The following SGMS2 variants were observed in gnomAD, a reference collection of about 807,000 sequenced individuals.
SGMS2 encodes phosphatidylcholine:ceramide cholinephosphotransferase 2.
A neutral mutation model predicts 43.8 loss-of-function variants in SGMS2; 21 were observed. The ratio of observed to expected loss-of-function variants is 0.48; its 90% CI spans 0.34 to 0.69. The LOEUF (loss-of-function observed/expected upper bound fraction) is 0.69. Ranked by LOEUF, SGMS2 falls within the 30% of genes least tolerant of loss-of-function variation. SGMS2 has a pLI of 0.01. For missense variants in SGMS2, 384 were observed against 443.2 expected (o/e 0.87, Z 1.20); for synonymous variants, 167 against 160.6 (o/e 1.04, Z -0.30).
intron 1 of SGMS2, among the ~76,000 whole-genome samples, chr4:107,836,279 C>A (rs193035597): frequency 8.6e-4 from 131 of 152,316 alleles, no homozygotes; most frequent in Non-Finnish European, 1.6e-3. Context: ...CCACATAAAT[C>A]TGAAGACAAT....
rs1732050225 is a variant in SGMS2, at chr4:107,910,647, TAAATGAAG to T, written c.*100_*107del. On this transcript the variant is annotated 3_prime_UTR_variant, in exon 7 of 7. Transcript: ENST00000690982. ...TTTTTATTTTAGGAGAACTGACTGG[TAAATGAAG>T]AAATGGACCAAATTTTGTGTAAACG... is the stretch of plus-strand genomic sequence containing the variant. 1 of 1,255,544 alleles carries T rather than the reference TAAATGAAG, an allele frequency of 8.0e-7. No homozygotes were observed. Among genetic ancestry groups the T allele is most frequent in the Non-Finnish European group, 1.1e-6 (1 of 913,198 alleles). 77.8% of individuals were successfully genotyped at this position (1,255,544 alleles called of 1,614,324 possible).
chr4:107,846,798 T>C (rs1235873270), intron 1 of SGMS2, among the ~76,000 whole-genome samples: 1,872 of 106,228 alleles, frequency 0.018, 7 homozygotes, highest in African/African-American at 0.037. Flanking sequence ...TTTTAATGAT[T>C]GCCATTCTAA....
At chr4:107,846,447 A>C (rs1273529400) in intron 1 of SGMS2, among the ~76,000 whole-genome samples, 2 of 150,524 alleles carry the variant, frequency 1.3e-5, no homozygotes, top group Non-Finnish European at 3.0e-5. Context: ...TGAACTCATC[A>C]TTTTTTATGG....
At position 107,896,008 on chromosome 4, in the gene SGMS2, A is replaced by G. The variant is rs1730635795; in HGVS notation, c.455A>G (p.Lys152Arg). The G allele has an allele frequency of 6.2e-7, 1 of 1,605,882 alleles. No homozygotes were observed. Among genetic ancestry groups the G allele is most frequent in the Non-Finnish European group, 8.5e-7 (1 of 1,174,276 alleles). ...WITQWLFLRY[K>R]SIVGRRFCFI... ...ACCCAGTGGCTGTTTCTGAGATACA[A>G]GTAAGTAAATCTAATGTTTTGAGGA... The change falls in exon 3 of 7, where the codon AAG (lysine) becomes AGG (arginine). Residue 152 changes from lysine to arginine, a missense_variant and splice_region_variant. Lys to Arg is a conservative substitution (Grantham distance 26, BLOSUM62 2). Coordinates refer to ENST00000690982, the MANE Select transcript of SGMS2 (RefSeq NM_001375905.1).
chr4:107,867,997 T>C (rs938608342), intron 2 of SGMS2: 1 of 152,172 alleles, frequency 6.6e-6, no homozygotes, highest in Admixed American at 6.5e-5. Flanking sequence ...GTTGTTAAAC[T>C]GAAATAAAAA....
intron 3 of SGMS2, among the ~76,000 whole-genome samples, chr4:107,899,304 CCA>C (rs962402172): frequency 1.3e-5 from 2 of 151,994 alleles, no homozygotes; most frequent in African/African-American, 2.4e-5. Flanking sequence ...TTCCCCCACC[CCA>C]CACACACACA....
chr4:107,881,512 C>T (rs556169860), intron 2 of SGMS2, among the ~76,000 whole-genome samples: 13 of 151,640 alleles, frequency 8.6e-5, no homozygotes, highest in Admixed American at 3.9e-4. Context: ...TTATGGGGTA[C>T]GTGAGATATT....
intron 2 of SGMS2, among the ~76,000 whole-genome samples, chr4:107,892,836 C>G (rs1273224104): frequency 6.6e-6 from 1 of 152,076 alleles, no homozygotes; most frequent in Non-Finnish European, 1.5e-5. Flanking sequence ...CAGGTTTGCC[C>G]TAAGCAGTTC....
intron 2 of SGMS2, among the ~76,000 whole-genome samples, chr4:107,894,879 A>T (rs528210813): frequency 6.6e-6 from 1 of 152,360 alleles, no homozygotes; most frequent in East Asian, 1.9e-4. Flanking sequence ...TTCAATGCAT[A>T]TAAGCCTCTT....
chr4:107,908,807 G>A, intron 6 of SGMS2, 76 bp downstream of exon 6: 1 of 1,365,822 alleles, frequency 7.3e-7, no homozygotes, highest in Non-Finnish European at 1.0e-6. Flanking sequence ...TGGGGTTTTA[G>A]ATAGCCTAAT....
intron 1 of SGMS2, among the ~76,000 whole-genome samples, chr4:107,845,867 T>G (rs555189121): frequency 2.0e-5 from 3 of 152,286 alleles, no homozygotes; most frequent in Middle Eastern, 6.8e-3. Flanking sequence ...TGAATATGTA[T>G]GTTGAATAGG....
At chr4:107,855,578 T>C (rs1335950706) in intron 1 of SGMS2, among the ~76,000 whole-genome samples, 3 of 152,194 alleles carry the variant, frequency 2.0e-5, no homozygotes, top group Non-Finnish European at 4.4e-5. Context: ...TTTTTGAATT[T>C]GTGGAGACTT....
chr4:107,891,015 T>G (rs1730162612), intron 2 of SGMS2, among the ~76,000 whole-genome samples: 1 of 152,128 alleles, frequency 6.6e-6, no homozygotes, highest in African/African-American at 2.4e-5. Flanking sequence ...TTGCTTTCAG[T>G]TTGACCTGGC....
At chr4:107,890,009 T>C (rs1730071719) in intron 2 of SGMS2, among the ~76,000 whole-genome samples, 1 of 152,218 alleles carries the variant, frequency 6.6e-6, no homozygotes, top group Admixed American at 6.5e-5. Context: ...GACCATGTGA[T>C]GTTTTTATGG....
At chr4:107,872,924 CTT>C (rs1196591791) in intron 2 of SGMS2, among the ~76,000 whole-genome samples, 2 of 152,040 alleles carry the variant, frequency 1.3e-5, no homozygotes, top group Non-Finnish European at 2.9e-5. Context: ...TCCAGAATCA[CTT>C]ATCCACAATT....
chr4:107,841,483 G>T (rs1003373452), intron 1 of SGMS2, among the ~76,000 whole-genome samples: 2 of 151,830 alleles, frequency 1.3e-5, no homozygotes, highest in African/African-American at 4.8e-5. Context: ...AGAATGCATG[G>T]TCTAGCAGTA....
chr4:107,908,169 C>A (rs115677775), intron 5 of SGMS2: 1,649 of 160,948 alleles, frequency 0.01, 26 homozygotes, highest in African/African-American at 0.038. Flanking sequence ...TTTCATAGAC[C>A]ACCACCTTTT....
At chr4:107,883,448 G>A (rs1160021538) in intron 2 of SGMS2, among the ~76,000 whole-genome samples, 2 of 152,302 alleles carry the variant, frequency 1.3e-5, no homozygotes, top group South Asian at 2.1e-4. Context: ...CCAAGTAGCT[G>A]GGACTACAGG....
intron 1 of SGMS2, among the ~76,000 whole-genome samples, chr4:107,825,860 T>C (rs1056691188): frequency 1.3e-5 from 2 of 152,202 alleles, no homozygotes; most frequent in African/African-American, 4.8e-5. Context: ...CAAAATGTTA[T>C]GTCCTGTAGT....
Sources: allele counts gnomAD v4.1 joint callset (sites outside exome capture counted in the v4.1 genomes callset), GRCh38; gene constraint gnomAD v4.1.1; transcripts MANE v1.5; gene names NCBI Gene and HGNC (gene_info 2026-07-23, HGNC 2026-07-21).